ZNF385B: variants seen among roughly 807,000 people sequenced by gnomAD.
ZNF385B encodes zinc finger protein 385B, also known as zinc finger protein 533.
In ZNF385B, 23 loss-of-function variants were observed where a neutral mutation model predicts 39.2. The ratio of observed to expected loss-of-function variants is 0.59; its 90% confidence interval spans 0.42 to 0.83. The LOEUF is 0.83. Among genes scored for constraint, ZNF385B ranks in the 40% least tolerant of loss-of-function variants. The pLI, the probability that ZNF385B is intolerant of heterozygous loss-of-function variation, is 0.00. For synonymous variants in ZNF385B, 205 were observed against 222.6 expected (o/e 0.92, Z 0.70); for missense variants, 552 against 598.9 (o/e 0.92, Z 0.82).
chr2:179,808,254 G>A (rs984196002), intron 1 of ZNF385B, among the ~76,000 whole-genome samples: 1 of 152,238 alleles, frequency 6.6e-6, no homozygotes, highest in African/African-American at 2.4e-5. Context: ...GGATGGTCTC[G>A]ATCTCCTGAC....
chr2:179,583,981 T>A, intron 3 of ZNF385B: 3 of 1,292,000 alleles, frequency 2.3e-6, no homozygotes, highest in Non-Finnish European at 2.0e-6. Context: ...TTACCGAGCA[T>A]CTGCCATGTG....
intron 3 of ZNF385B, among the ~76,000 whole-genome samples, chr2:179,709,932 G>T (rs918331993): frequency 6.6e-6 from 1 of 152,182 alleles, no homozygotes; most frequent in Non-Finnish European, 1.5e-5. Flanking sequence ...GTGCAGCTGT[G>T]TGTGACCTAC....
At chr2:179,855,930 G>T (rs931871216) in intron 1 of ZNF385B, among the ~76,000 whole-genome samples, 3 of 152,172 alleles carry the variant, frequency 2.0e-5, no homozygotes, top group African/African-American at 7.2e-5. Flanking sequence ...TCTCAAATCT[G>T]GTGGTGAGTG....
At chr2:179,679,429 G>A (rs1697298263) in intron 3 of ZNF385B, among the ~76,000 whole-genome samples, 1 of 152,128 alleles carries the variant, frequency 6.6e-6, no homozygotes, top group African/African-American at 2.4e-5. Flanking sequence ...GGCAAATTCA[G>A]CGAGAAGACT....
intron 1 of ZNF385B, among the ~76,000 whole-genome samples, chr2:179,797,194 T>A (rs985747260): frequency 7.9e-5 from 12 of 152,100 alleles, no homozygotes; most frequent in African/African-American, 1.2e-4. Flanking sequence ...GTAGAAAATT[T>A]AAAACCTACA....
intron 5 of ZNF385B, among the ~76,000 whole-genome samples, chr2:179,494,121 C>T (rs560349500): frequency 2.6e-5 from 4 of 151,976 alleles, no homozygotes; most frequent in Non-Finnish European, 5.9e-5. Context: ...TTTTAAGTAT[C>T]AAGGAAACTC....
intron 5 of ZNF385B, among the ~76,000 whole-genome samples, chr2:179,518,077 T>A (rs909913434): frequency 6.6e-6 from 1 of 152,158 alleles, no homozygotes; most frequent in Non-Finnish European, 1.5e-5. Flanking sequence ...ATTTTAAAAC[T>A]TTTTTCATAT....
At chr2:179,450,081 C>A (rs1318195848) in intron 6 of ZNF385B, among the ~76,000 whole-genome samples, 1 of 151,482 alleles carries the variant, frequency 6.6e-6, no homozygotes, top group African/African-American at 2.4e-5. Flanking sequence ...CCCTTCCTTA[C>A]ACCTTATACA....
At chr2:179,580,559 G>A (rs1299157775) in intron 3 of ZNF385B, among the ~76,000 whole-genome samples, 1 of 152,138 alleles carries the variant, frequency 6.6e-6, no homozygotes, top group African/African-American at 2.4e-5. Flanking sequence ...CGTGATAAAG[G>A]TCAAATGAGG....
intron 1 of ZNF385B, among the ~76,000 whole-genome samples, chr2:179,860,607 T>C (rs1000724385): frequency 6.6e-6 from 1 of 151,930 alleles, no homozygotes; most frequent in African/African-American, 2.4e-5. Flanking sequence ...CTCATCTGGG[T>C]TCTGCTGCAG....
chr2:179,462,379 G>T (rs890123631), intron 6 of ZNF385B, among the ~76,000 whole-genome samples: 2 of 152,108 alleles, frequency 1.3e-5, no homozygotes, highest in Non-Finnish European at 2.9e-5. Context: ...AAGCTCAGGG[G>T]GCTCTACAGC....
chr2:179,459,679 ATAAGTC>A (rs1424802861), intron 6 of ZNF385B, among the ~76,000 whole-genome samples: 2 of 151,488 alleles, frequency 1.3e-5, no homozygotes, highest in African/African-American at 4.8e-5. Flanking sequence ...ATCTTAATTT[ATAAGTC>A]TATTTATTAA....
At chr2:179,482,664 C>T (rs527954489) in intron 6 of ZNF385B, among the ~76,000 whole-genome samples, 31 of 152,240 alleles carry the variant, frequency 2.0e-4, no homozygotes, top group South Asian at 6.2e-4. Context: ...CAGTTTGTAA[C>T]GTTGGAAATC....
intron 4 of ZNF385B, among the ~76,000 whole-genome samples, chr2:179,528,666 CT>C (rs1261011129): frequency 6.6e-6 from 1 of 152,160 alleles, no homozygotes; most frequent in Non-Finnish European, 1.5e-5. Context: ...AACTTTTAAA[CT>C]GTTCTGAGTA....
chr2:179,669,931 G>T (rs1194708970), intron 3 of ZNF385B, among the ~76,000 whole-genome samples: 1 of 152,072 alleles, frequency 6.6e-6, no homozygotes, highest in African/African-American at 2.4e-5. Context: ...GTGGTGGTGT[G>T]GTGGTACATG....
At chr2:179,635,897 T>A (rs1156249291) in intron 3 of ZNF385B, among the ~76,000 whole-genome samples, 4 of 152,192 alleles carry the variant, frequency 2.6e-5, no homozygotes, top group Non-Finnish European at 4.4e-5. Flanking sequence ...AAACATACTC[T>A]TATTTGTAGG....
chr2:179,469,041 A>T (rs10180729), intron 6 of ZNF385B, among the ~76,000 whole-genome samples: 8,469 of 152,300 alleles, frequency 0.056, 267 homozygotes, highest in Middle Eastern at 0.11. Context: ...AGCGGGCTTT[A>T]TATTTAAGAC....
chr2:179,796,446 C>T (rs1424012897), intron 1 of ZNF385B: 2 of 152,100 alleles, frequency 1.3e-5, no homozygotes, highest in African/African-American at 4.8e-5. Context: ...TTAGGATGCA[C>T]CATCCTAGCA....
At position 179,444,865 on chromosome 2, in the gene ZNF385B, G is replaced by T; in HGVS notation, c.1242+11C>A. 3 of 1,610,744 alleles carry T rather than the reference G, an allele frequency of 1.9e-6. No individual in the cohort carries two copies. The South Asian group carries it at 3.3e-5, about 18-fold the overall frequency. On this transcript the variant is annotated intron_variant, in intron 9 of 9. Transcript: ENST00000410066. ...CCCCACAAAACAGGTGAGCAGGTGA[G>T]GTAAACTTACTGCTAGAATACTCGG... is the stretch of plus-strand genomic sequence containing the variant.
Sources: gnomAD v4.1 joint callset for allele counts (sites outside exome capture counted in the v4.1 genomes callset) on GRCh38, gnomAD v4.1.1 for gene constraint, MANE v1.5 for transcripts, NCBI Gene and HGNC (gene_info 2026-07-23, HGNC 2026-07-21) for gene names.